The following VAPB variants were observed in gnomAD, a reference collection of about 807,000 sequenced individuals.
The protein encoded by VAPB is VAMP associated protein B and C, also known as vesicle-associated membrane protein-associated protein B/C.
Under a neutral mutation model 25.6 loss-of-function variants are expected in VAPB, and 7 were observed. That is an observed-to-expected ratio of 0.27 (90% CI 0.16 to 0.51). VAPB has a LOEUF of 0.51. Ranked by LOEUF, VAPB falls within the 20% of genes least tolerant of loss-of-function variation. The probability of loss-of-function intolerance (pLI) is 0.97; values close to 1 mark genes in which losing one functional copy is unlikely to be tolerated. For synonymous variants in VAPB, 112 were observed against 109.2 expected (o/e 1.03, Z -0.16); for missense variants, 266 against 301.3 (o/e 0.88, Z 0.87).
At chr20:58,425,378 C>T (rs1342403321) in intron 2 of VAPB, among the ~76,000 whole-genome samples, 1 of 152,188 alleles carries the variant, frequency 6.6e-6, no homozygotes, top group African/African-American at 2.4e-5. Context: ...CTTTGGGCTT[C>T]TCCAAGGATA....
At chr20:58,400,969 A>C (rs963094794) in intron 1 of VAPB, among the ~76,000 whole-genome samples, 1 of 152,222 alleles carries the variant, frequency 6.6e-6, no homozygotes, top group African/African-American at 2.4e-5. Flanking sequence ...CTTACTCTTG[A>C]GAGAATGTGC....
chr20:58,436,490 T>C (rs1284523548), intron 3 of VAPB, among the ~76,000 whole-genome samples: 2 of 151,746 alleles, frequency 1.3e-5, no homozygotes, highest in African/African-American at 4.8e-5. Flanking sequence ...CGCACCACCA[T>C]GCCTGGCTAA....
In VAPB at chr20:58,447,895, A is replaced by C; in HGVS notation, c.*3660A>C. The C allele has an allele frequency of 2.2e-6, 1 of 453,526 alleles. No individual in the cohort carries two copies. Among genetic ancestry groups the C allele is most frequent in the Non-Finnish European group, 4.4e-6 (1 of 226,720 alleles). 28.1% of individuals were successfully genotyped at this position (453,526 alleles called of 1,614,324 possible). A position where few individuals can be genotyped will look rare whatever the true frequency, so the allele number is the denominator to read the frequency against. On this transcript the variant is annotated 3_prime_UTR_variant, in exon 6 of 6. Transcript: ENST00000475243. ...AAGAGATAGGGGTCTTGGGCTTCCCAGTGTCACTTTGAACACCTGAATAAC... is the reference window on the plus strand; with the variant it reads ...AAGAGATAGGGGTCTTGGGCTTCCCCGTGTCACTTTGAACACCTGAATAAC...
At chr20:58,419,812 G>A (rs759449907) in intron 2 of VAPB, among the ~76,000 whole-genome samples, 3 of 152,046 alleles carry the variant, frequency 2.0e-5, no homozygotes, top group Non-Finnish European at 4.4e-5. Flanking sequence ...TTCCATGCCT[G>A]TATCAAATTT....
At chr20:58,415,982 T>C (rs1988531500) in intron 1 of VAPB, among the ~76,000 whole-genome samples, 1 of 152,212 alleles carries the variant, frequency 6.6e-6, no homozygotes, top group East Asian at 1.9e-4. Context: ...CTTACAAATA[T>C]CTTGATTTTT....
chr20:58,450,134 G>A lies in VAPB; in HGVS notation c.*5899G>A, dbSNP rs1037844425. 2 of 453,894 alleles carry A rather than the reference G, an allele frequency of 4.4e-6. No homozygotes were observed. Among genetic ancestry groups the A allele is most frequent in the African/African-American group, 2.0e-5 (1 of 49,958 alleles). 28.1% of individuals were successfully genotyped at this position (453,894 alleles called of 1,614,324 possible). On this transcript the variant is annotated 3_prime_UTR_variant, in exon 6 of 6. Transcript: ENST00000475243. Reference sequence around the variant, plus strand: ...AAGTCCTGGCTGTTTCTCCGAACTGGCTGCCTGCATTCCCGTCTTTCTTTT... The same window carrying A: ...AAGTCCTGGCTGTTTCTCCGAACTGACTGCCTGCATTCCCGTCTTTCTTTT...
chr20:58,439,083 A>G (rs777660001), intron 4 of VAPB, 58 bp downstream of exon 4: 37 of 1,488,190 alleles, frequency 2.5e-5, no homozygotes, highest in Non-Finnish European at 3.3e-5. Flanking sequence ...TTATTTGCAT[A>G]CCATTTCCTG....
chr20:58,440,718 T>C, intron 4 of VAPB, 189 bp from the exon 5 acceptor site: 1 of 544,480 alleles, frequency 1.8e-6, no homozygotes, highest in Non-Finnish European at 3.2e-6. Flanking sequence ...CCATAATTTC[T>C]AGGGCCCTGT....
chr20:58,395,534 A>G (rs907185783), intron 1 of VAPB, among the ~76,000 whole-genome samples: 1 of 152,222 alleles, frequency 6.6e-6, no homozygotes, highest in Non-Finnish European at 1.5e-5. Flanking sequence ...CACAGCTTTC[A>G]ACTAGATGAC....
Position 58,449,565 on chromosome 20 carries a change from A to T in VAPB, c.*5330A>T, listed in dbSNP as rs1377364382. On this transcript the variant is annotated 3_prime_UTR_variant, in exon 6 of 6. Coordinates refer to ENST00000475243, the MANE Select transcript of VAPB (RefSeq NM_004738.5). ...TAACTTGCCATAAATATTTGCAGTT[A>T]TGATACCTTGGAATGTTGCCACGAT... 2.2e-6 allele frequency: 1 copy of T among 454,034 alleles called. No homozygotes were observed. The highest frequency in any genetic ancestry group is 2.0e-5 in the African/African-American group (1 of 50,002). 28.1% of individuals were successfully genotyped at this position (454,034 alleles called of 1,614,324 possible).
Position 58,439,023 on chromosome 20 carries a change from C to A in VAPB, c.394C>A (p.Pro132Thr). The A allele has an allele frequency of 6.2e-7, 1 of 1,611,556 alleles. No homozygotes were observed. The highest frequency in any genetic ancestry group is 8.5e-7 in the Non-Finnish European group (1 of 1,178,058). The change falls in exon 4 of 6, where the codon CCA becomes ACA. Residue 132 changes from proline (P) to threonine (T), a missense_variant and splice_region_variant. Transcript: ENST00000475243. ...VFELPAENDK[P>T]HDVEINKIIS... The stretch of plus-strand genomic sequence containing the variant: ...TGAATTGCCAGCAGAGAATGATAAA[C>A]CAGTAAGTATATTTATAGTTAACAA...
intron 2 of VAPB, among the ~76,000 whole-genome samples, chr20:58,430,363 G>A (rs1988900589): frequency 6.6e-6 from 1 of 151,714 alleles, no homozygotes; most frequent in Admixed American, 6.6e-5. Flanking sequence ...CCAGGTTCAA[G>A]TGATTCTCAT....
intron 3 of VAPB, among the ~76,000 whole-genome samples, chr20:58,437,391 T>C (rs879549233): frequency 2.0e-5 from 3 of 152,206 alleles, no homozygotes; most frequent in Non-Finnish European, 4.4e-5. Context: ...TTGGCAAGAA[T>C]ATTCCATAGT....
chr20:58,414,989 G>T (rs898113463), intron 1 of VAPB, among the ~76,000 whole-genome samples: 1 of 152,268 alleles, frequency 6.6e-6, no homozygotes, highest in Non-Finnish European at 1.5e-5. Flanking sequence ...TCGGGAGGCC[G>T]AGGCCGGCGG....
At chr20:58,392,476 T>G (rs1000522203) in intron 1 of VAPB, among the ~76,000 whole-genome samples, 2 of 152,234 alleles carry the variant, frequency 1.3e-5, no homozygotes, top group East Asian at 1.9e-4. Context: ...CTGTGTGTGT[T>G]CTTAAATGAC....
At chr20:58,442,275 T>A (rs1435333741) in intron 5 of VAPB, among the ~76,000 whole-genome samples, 1 of 152,370 alleles carries the variant, frequency 6.6e-6, no homozygotes, top group East Asian at 1.9e-4. Context: ...CCTCAGTCAG[T>A]AATTTCTTTA....
At chr20:58,443,643 T>G (rs1989211006) in intron 5 of VAPB, among the ~76,000 whole-genome samples, 1 of 152,134 alleles carries the variant, frequency 6.6e-6, no homozygotes, top group Non-Finnish European at 1.5e-5. Flanking sequence ...CCTGTGATTT[T>G]AAAAATCGAT....
In VAPB at chr20:58,444,896, G is replaced by C. The variant is rs1343538574; in HGVS notation, c.*661G>C. The stretch of plus-strand genomic sequence containing the variant: ...AAAGGGACCAAGCTAAATTTGTATT[G>C]GTTCATGTAGTGAAGTCAAACTGTT... On this transcript the variant is annotated 3_prime_UTR_variant, in exon 6 of 6. Transcript: ENST00000475243. The C allele has an allele frequency of 2.0e-5, 9 of 454,420 alleles. No homozygotes were observed. The highest frequency in any genetic ancestry group is 1.2e-4 in the South Asian group (8 of 64,484). The allele number at this position is 454,420 out of a possible 1,614,324, so 28.1% of individuals were successfully genotyped here. A position where few individuals can be genotyped will look rare whatever the true frequency, so the allele number is the denominator to read the frequency against.
chr20:58,424,471 T>G (rs1988742720), intron 2 of VAPB, among the ~76,000 whole-genome samples: 1 of 151,846 alleles, frequency 6.6e-6, no homozygotes, highest in Non-Finnish European at 1.5e-5. Flanking sequence ...GGAATTGTTC[T>G]CCATGTTTTA....
Sources: allele counts gnomAD v4.1 joint callset (sites outside exome capture counted in the v4.1 genomes callset), GRCh38; gene constraint gnomAD v4.1.1; transcripts MANE v1.5; gene names NCBI Gene and HGNC (gene_info 2026-07-23, HGNC 2026-07-21).